DNAH9: variants seen among roughly 807,000 people sequenced by gnomAD.
DNAH9 encodes dynein axonemal heavy chain 9, also known as DNAH9 variant protein.
DNAH9 carries 345 observed loss-of-function variants against 471.6 expected under a neutral mutation model. The observed-to-expected ratio is 0.73, with a 90% CI of 0.67 to 0.80. The LOEUF (loss-of-function observed/expected upper bound fraction) is 0.80. DNAH9 is among the 30% of genes least tolerant of loss of function. The pLI, the probability that DNAH9 is intolerant of heterozygous loss-of-function variation, is 0.00. For synonymous variants in DNAH9, 2,093 were observed against 2,123.6 expected (o/e 0.99, Z 0.40); for missense variants, 5,407 against 5,609.2 (o/e 0.96, Z 1.15).
At chr17:11,869,066 C>T (rs1972166141) in intron 50 of DNAH9, 68 bp from the exon 51 acceptor site, 4 of 1,569,142 alleles carry the variant, frequency 2.5e-6, no homozygotes, top group South Asian at 2.4e-5. Flanking sequence ...TGTGAACCCT[C>T]ATCTAATGAG....
Position 11,629,498 on chromosome 17 carries a change from C to A in DNAH9, c.1432C>A (p.Gln478Lys), listed in dbSNP as rs749159702. Residue 478 changes from glutamine (Q) to lysine (K), a missense_variant, in exon 7 of 69, where the codon CAG becomes AAG. Physicochemically the swap from Gln to Lys is moderately conservative, Grantham distance 53. Transcript: ENST00000262442. ...SGVRGNALSQ[Q>K]VQQMHEEFQE... ...CGTCAGAGGGAATGCTCTGAGTCAG[C>A]AGGTCCAGCAAATGCATGAAGAATT... is the stretch of plus-strand genomic sequence containing the variant. 1.5e-5 allele frequency: 24 copies of A among 1,613,856 alleles called. No homozygotes were observed. In the South Asian group the frequency reaches 2.5e-4, roughly 17 times the overall value.
intron 67 of DNAH9, among the ~76,000 whole-genome samples, chr17:11,954,293 T>C (rs1975530303): frequency 6.6e-6 from 1 of 152,002 alleles, no homozygotes; most frequent in Non-Finnish European, 1.5e-5. Context: ...GTTTTGCAAA[T>C]TTGCTGAAAA....
intron 45 of DNAH9, among the ~76,000 whole-genome samples, chr17:11,821,621 G>A (rs1970312719): frequency 6.6e-6 from 1 of 152,104 alleles, no homozygotes; most frequent in South Asian, 2.1e-4. Flanking sequence ...AAAAAATACA[G>A]TAGATGGGAA....
At chr17:11,820,057 G>C (rs1234208597) in intron 45 of DNAH9, among the ~76,000 whole-genome samples, 1 of 151,942 alleles carries the variant, frequency 6.6e-6, no homozygotes, top group Admixed American at 6.6e-5. Flanking sequence ...TTTACTACTA[G>C]GTATGTTTGC....
intron 24 of DNAH9, among the ~76,000 whole-genome samples, chr17:11,701,799 C>T (rs2074603068): frequency 6.6e-6 from 1 of 152,212 alleles, no homozygotes; most frequent in Non-Finnish European, 1.5e-5. Context: ...CTGCCTCAGC[C>T]TCCCAGGTAG....
At chr17:11,676,341 G>A (rs1365501034) in intron 17 of DNAH9, among the ~76,000 whole-genome samples, 1 of 144,962 alleles carries the variant, frequency 6.9e-6, no homozygotes, top group African/African-American at 2.6e-5. Flanking sequence ...GCAGTGCAAT[G>A]GCACGATCTC....
At chr17:11,955,045 G>C (rs1200186130) in intron 67 of DNAH9, among the ~76,000 whole-genome samples, 6 of 152,146 alleles carry the variant, frequency 3.9e-5, no homozygotes, top group Admixed American at 3.9e-4. Flanking sequence ...GAAGCATATT[G>C]TATATGATTC....
intron 38 of DNAH9, among the ~76,000 whole-genome samples, chr17:11,771,126 A>G (rs907379487): frequency 6.6e-6 from 1 of 151,950 alleles, no homozygotes; most frequent in African/African-American, 2.4e-5. Flanking sequence ...ATCTATACCT[A>G]TTTATTTATT....
intron 50 of DNAH9, among the ~76,000 whole-genome samples, chr17:11,866,351 T>C (rs1010701120): frequency 1.3e-5 from 2 of 152,290 alleles, no homozygotes; most frequent in Admixed American, 6.5e-5. Context: ...GAACCGCGAA[T>C]GCTGCTGTCT....
At position 11,822,524 on chromosome 17, in the gene DNAH9, C is replaced by G; in HGVS notation, c.8937C>G (p.His2979Gln). The change falls in exon 47 of 69, where the codon CAC (histidine) becomes CAG (glutamine). Residue 2979 changes from histidine (H) to glutamine (Q), a missense_variant. Coordinates refer to ENST00000262442, the MANE Select transcript of DNAH9 (RefSeq NM_001372.4). ...CCATTGTGAACTGCACAGCCATCCA[C>G]TGGTTCCACGAGTGGCCTCAGCAAG... is the stretch of plus-strand genomic sequence containing the variant. ...FPAIVNCTAI[H>Q]WFHEWPQQAL... 1 of 1,614,234 alleles carries G rather than the reference C, an allele frequency of 6.2e-7. No individual in the cohort carries two copies. The highest frequency in any genetic ancestry group is 1.1e-5 in the South Asian group (1 of 91,084).
At chr17:11,694,066 G>A in intron 21 of DNAH9, 68 bp downstream of exon 21, 2 of 1,578,722 alleles carry the variant, frequency 1.3e-6, no homozygotes, top group Middle Eastern at 1.8e-4. Flanking sequence ...TCGTCTCTGA[G>A]ACCAGTGGGC....
At position 11,694,869 on chromosome 17, in the gene DNAH9, C is replaced by CTTCTTTCT. The variant is rs1318402018; in HGVS notation, c.4872+454_4872+461dup. Among the ~76,000 whole-genome samples, 2 of 284 alleles carry CTTCTTTCT rather than the reference C, an allele frequency of 7.0e-3. 1 individual carries two copies. The highest frequency in any genetic ancestry group is 0.071 in the East Asian group (2 of 28). 0.2% of individuals were successfully genotyped at this position (284 alleles called of 152,430 possible). A position where few individuals can be genotyped will look rare whatever the true frequency, so the allele number is the denominator to read the frequency against. On this transcript the variant is annotated intron_variant, in intron 22 of 68. Coordinates refer to ENST00000262442, the MANE Select transcript of DNAH9 (RefSeq NM_001372.4). ...CCTTCCTTCCTTCCTTCCTTCCTTC[C>CTTCTTTCT]TTCTTTCTTTCTTTCTTTCTTTCTT...
At chr17:11,916,950 C>A (rs1388252031) in intron 61 of DNAH9, among the ~76,000 whole-genome samples, 2 of 152,038 alleles carry the variant, frequency 1.3e-5, no homozygotes, top group Non-Finnish European at 2.9e-5. Context: ...ATTAATAATT[C>A]CCTTGATTAG....
chr17:11,632,562 T>G, intron 7 of DNAH9, 25 bp from the exon 8 acceptor site: 1 of 1,194,348 alleles, frequency 8.4e-7, no homozygotes, highest in South Asian at 1.2e-5. Flanking sequence ...TACGTTTTCC[T>G]TATATATATA....
rs1190198753 is a variant in DNAH9, at chr17:11,711,907, T to A, written c.5552+6722T>A. 7.3e-3 allele frequency among the ~76,000 whole-genome samples: 18 copies of A among 2,470 alleles called. 8 individuals are homozygous for A. The Non-Finnish European group carries it at 0.14, about 20-fold the overall frequency. The allele number at this position is 2,470 out of a possible 152,430, so 1.6% of individuals were successfully genotyped here. Reference sequence around the variant, plus strand: ...ATATTTATATATAAATATATATATTTGTATATATATTTATATATAAATATA... The same window carrying A: ...ATATTTATATATAAATATATATATTAGTATATATATTTATATATAAATATA... On this transcript the variant is annotated intron_variant, in intron 26 of 68. Transcript: ENST00000262442.
intron 26 of DNAH9, among the ~76,000 whole-genome samples, chr17:11,711,374 A>G (rs1274458435): frequency 6.6e-6 from 1 of 152,120 alleles, no homozygotes; most frequent in Admixed American, 6.6e-5. Context: ...TTTGTTTTCA[A>G]AGTGACTAGT....
At chr17:11,915,511 A>G (rs1973921074) in intron 61 of DNAH9, among the ~76,000 whole-genome samples, 1 of 151,266 alleles carries the variant, frequency 6.6e-6, no homozygotes, top group Admixed American at 6.6e-5. Flanking sequence ...CGACACAGAG[A>G]CTCCATCTCA....
In DNAH9 at chr17:11,835,920, T is replaced by C. The variant is rs559166619; in HGVS notation, c.9507+1022T>C. On this transcript the variant is annotated intron_variant, in intron 49 of 68. Coordinates refer to ENST00000262442, the MANE Select transcript of DNAH9 (RefSeq NM_001372.4). ...CTAAGAGGCCCCCCATGCCGAATAC[T>C]CTGCCCACATGCCTCGGAGCTAGCC... is the stretch of plus-strand genomic sequence containing the variant. 8.5e-5 allele frequency among the ~76,000 whole-genome samples: 13 copies of C among 152,318 alleles called. 1 individual carries two copies. In the South Asian group the frequency reaches 1.9e-3, roughly 22 times the overall value.
chr17:11,813,072 T>C (rs1381426673), intron 45 of DNAH9, among the ~76,000 whole-genome samples: 2 of 152,198 alleles, frequency 1.3e-5, no homozygotes, highest in African/African-American at 2.4e-5. Context: ...TTTTTACCAA[T>C]TGAAATTTTA....
Sources: gnomAD v4.1 joint callset for allele counts (sites outside exome capture counted in the v4.1 genomes callset) on GRCh38, gnomAD v4.1.1 for gene constraint, MANE v1.5 for transcripts, NCBI Gene and HGNC (gene_info 2026-07-23, HGNC 2026-07-21) for gene names.